CDH13: variants seen among roughly 807,000 people sequenced by gnomAD.
CDH13 encodes the protein cadherin-13.
CDH13 carries 24 observed loss-of-function variants against 63.8 expected under a neutral mutation model. The ratio of observed to expected loss-of-function variants is 0.38; its 90% CI spans 0.27 to 0.53. The LOEUF is 0.53. CDH13 is among the 20% of genes least tolerant of loss of function. The probability of loss-of-function intolerance (pLI) is 0.85; values close to 1 mark genes in which losing one functional copy is unlikely to be tolerated. For synonymous variants in CDH13, 503 were observed against 355.3 expected, an observed-to-expected ratio of 1.42 and a Z score of -4.67; for missense variants, 1,049 against 903.1, an observed-to-expected ratio of 1.16 and a Z score of -2.07.
chr16:83,645,450 A>G (rs1056660637), intron 8 of CDH13, among the ~76,000 whole-genome samples: 17 of 152,206 alleles, frequency 1.1e-4, no homozygotes, highest in African/African-American at 3.4e-4. Context: ...CCTATCAGGT[A>G]CAGTGTTTGC....
intron 1 of CDH13, among the ~76,000 whole-genome samples, chr16:82,770,665 A>G (rs1330060723): frequency 6.6e-6 from 1 of 152,064 alleles, no homozygotes; most frequent in Non-Finnish European, 1.5e-5. Flanking sequence ...CCATTTGGAG[A>G]TACATATTTT....
intron 5 of CDH13, among the ~76,000 whole-genome samples, chr16:83,316,047 TG>T (rs1411358700): frequency 6.6e-6 from 1 of 152,038 alleles, no homozygotes; most frequent in Non-Finnish European, 1.5e-5. Flanking sequence ...CTTACAATCA[TG>T]GTGGAAGGGG....
chr16:83,455,333 C>T (rs57185944), intron 6 of CDH13, among the ~76,000 whole-genome samples: 30,058 of 152,112 alleles, frequency 0.2, 3,466 homozygotes, highest in Non-Finnish European at 0.26. Flanking sequence ...CAACCAATGA[C>T]AGCTGTTTCT....
At chr16:83,654,047 C>A (rs922394214) in intron 8 of CDH13, among the ~76,000 whole-genome samples, 2 of 152,004 alleles carry the variant, frequency 1.3e-5, no homozygotes, top group Admixed American at 1.3e-4. Context: ...AATGAATGCA[C>A]AAATCAGAGA....
chr16:82,881,911 C>T (rs1180881896), intron 2 of CDH13, among the ~76,000 whole-genome samples: 3 of 152,198 alleles, frequency 2.0e-5, no homozygotes, highest in Admixed American at 6.5e-5. Context: ...CCACCAGCTT[C>T]TGTGGCAGTG....
chr16:83,665,343 A>T (rs1913845246), intron 8 of CDH13, among the ~76,000 whole-genome samples: 1 of 152,240 alleles, frequency 6.6e-6, no homozygotes, highest in Non-Finnish European at 1.5e-5. Flanking sequence ...CATCATCATT[A>T]TCCTTGCTAA....
At chr16:82,771,891 G>T (rs2035282589) in intron 1 of CDH13, among the ~76,000 whole-genome samples, 1 of 152,240 alleles carries the variant, frequency 6.6e-6, no homozygotes, top group African/African-American at 2.4e-5. Context: ...TTGCACTTCA[G>T]TGCTGGCCCC....
chr16:83,435,641 C>T (rs1248799899), intron 6 of CDH13, among the ~76,000 whole-genome samples: 1 of 152,164 alleles, frequency 6.6e-6, no homozygotes, highest in Non-Finnish European at 1.5e-5. Context: ...GTCTGAGTTG[C>T]TTTTCCCTGT....
At chr16:83,621,919 C>A (rs1909855656) in intron 8 of CDH13, among the ~76,000 whole-genome samples, 1 of 152,136 alleles carries the variant, frequency 6.6e-6, no homozygotes, top group African/African-American at 2.4e-5. Context: ...TCCGTCATTT[C>A]TTCTCATTAT....
chr16:83,393,594 A>G (rs1281945676), intron 6 of CDH13, among the ~76,000 whole-genome samples: 2 of 152,180 alleles, frequency 1.3e-5, no homozygotes, highest in Non-Finnish European at 2.9e-5. Context: ...ATAGACATAT[A>G]TGTTATTGCA....
intron 5 of CDH13, among the ~76,000 whole-genome samples, chr16:83,314,087 C>G (rs540492847): frequency 2.0e-5 from 3 of 152,278 alleles, no homozygotes; most frequent in African/African-American, 7.2e-5. Flanking sequence ...ATTTGAAGAG[C>G]TGTTGTCTAG....
At chr16:83,033,550 A>G (rs1916575735) in intron 3 of CDH13, among the ~76,000 whole-genome samples, 1 of 152,128 alleles carries the variant, frequency 6.6e-6, no homozygotes, top group African/African-American at 2.4e-5. Context: ...TACACATGGT[A>G]TATCTGTATT....
At chr16:83,446,252 G>A (rs185808066) in intron 6 of CDH13, among the ~76,000 whole-genome samples, 86 of 148,782 alleles carry the variant, frequency 5.8e-4, no homozygotes, top group Non-Finnish European at 1.1e-3. Context: ...GCGGTGAGCC[G>A]AGATCATGCC....
intron 4 of CDH13, among the ~76,000 whole-genome samples, chr16:83,188,340 G>A (rs899313564): frequency 3.9e-5 from 6 of 152,180 alleles, no homozygotes; most frequent in African/African-American, 1.2e-4. Flanking sequence ...GGTTATGGCC[G>A]TATTCTGGAT....
At chr16:83,159,461 T>C (rs1011155073) in intron 4 of CDH13, among the ~76,000 whole-genome samples, 6 of 152,242 alleles carry the variant, frequency 3.9e-5, no homozygotes, top group Admixed American at 2.6e-4. Context: ...GCGTTTATTC[T>C]TTTGTAACAC....
chr16:83,700,891 AT>A (rs926634295), intron 10 of CDH13, among the ~76,000 whole-genome samples: 2 of 152,016 alleles, frequency 1.3e-5, no homozygotes, highest in Admixed American at 6.6e-5. Flanking sequence ...AGTTGTGTTT[AT>A]TTTTTTTAAG....
At chr16:82,633,739 T>G (rs1247399846) in intron 1 of CDH13, among the ~76,000 whole-genome samples, 3 of 152,174 alleles carry the variant, frequency 2.0e-5, no homozygotes, top group Non-Finnish European at 4.4e-5. Flanking sequence ...TGTGTGATGT[T>G]TTTATATCTG....
chr16:82,758,681 G>A (rs930943741), intron 1 of CDH13, among the ~76,000 whole-genome samples: 3 of 152,208 alleles, frequency 2.0e-5, no homozygotes, highest in Admixed American at 6.5e-5. Context: ...TTCCTCTGGA[G>A]GGGTAGTAAA....
chr16:83,379,197 A>G (rs1240841367), intron 6 of CDH13, among the ~76,000 whole-genome samples: 1 of 152,228 alleles, frequency 6.6e-6, no homozygotes, highest in Non-Finnish European at 1.5e-5. Flanking sequence ...TGCATTCTGC[A>G]TCTTCACCAA....
Sources: allele counts gnomAD v4.1 joint callset (sites outside exome capture counted in the v4.1 genomes callset), GRCh38; gene constraint gnomAD v4.1.1; transcripts MANE v1.5; gene names NCBI Gene and HGNC (gene_info 2026-07-23, HGNC 2026-07-21).